Variants in B3GALT1 observed in about 807,000 individuals in gnomAD.
B3GALT1 encodes the protein UDP-Gal:betaGlcNAc beta 1,3-galactosyltransferase, polypeptide 1.
In B3GALT1, 10 loss-of-function variants were observed where a neutral mutation model predicts 23.2. The ratio of observed to expected loss-of-function variants is 0.43; its 90% CI spans 0.27 to 0.73. The LOEUF is 0.73. Ranked by LOEUF, B3GALT1 falls within the 30% of genes least tolerant of loss-of-function variation. The probability of loss-of-function intolerance (pLI) is 0.21; values close to 1 mark genes in which losing one functional copy is unlikely to be tolerated. For synonymous variants in B3GALT1, 156 were observed against 141.5 expected (o/e 1.10, Z -0.73); for missense variants, 299 against 405.4 (o/e 0.74, Z 2.25).
intron 4 of B3GALT1, among the ~76,000 whole-genome samples, chr2:167,823,880 A>G (rs998544276): frequency 1.3e-5 from 2 of 152,374 alleles, no homozygotes; most frequent in East Asian, 3.9e-4. Context: ...AGATATAACA[A>G]TTATAAAATA....
chr2:167,857,714 G>T (rs899320470), intron 4 of B3GALT1, among the ~76,000 whole-genome samples: 2 of 152,006 alleles, frequency 1.3e-5, no homozygotes, highest in Non-Finnish European at 2.9e-5. Flanking sequence ...TAGGAAAATT[G>T]TACACATAAC....
chr2:167,309,331 G>C lies in B3GALT1; in HGVS notation c.-511+15997G>C, dbSNP rs564497231. The stretch of plus-strand genomic sequence containing the variant: ...CTAAGCTAAATTAATGTACTGTAAA[G>C]TTTCAAATAAATAGCAAGAGTTGAG... On this transcript the variant is annotated intron_variant, in intron 1 of 4. Transcript: ENST00000392690. Among the ~76,000 whole-genome samples the C allele has an allele frequency of 3.3e-5, 5 of 152,058 alleles. No homozygotes were observed. The South Asian group carries it at 1.0e-3, about 32-fold the overall frequency.
At chr2:167,795,562 G>A (rs916258632) in intron 3 of B3GALT1, among the ~76,000 whole-genome samples, 40 of 152,060 alleles carry the variant, frequency 2.6e-4, no homozygotes, top group African/African-American at 8.2e-4. Flanking sequence ...GTAATATTCA[G>A]GACATTTCCT....
chr2:167,423,284 G>T (rs1221111950), intron 1 of B3GALT1, among the ~76,000 whole-genome samples: 10 of 152,116 alleles, frequency 6.6e-5, no homozygotes, highest in Admixed American at 6.6e-4. Context: ...GCCCTGAGCT[G>T]GGAGAGTAGA....
intron 1 of B3GALT1, among the ~76,000 whole-genome samples, chr2:167,436,529 A>G (rs1698789349): frequency 6.6e-6 from 1 of 152,206 alleles, no homozygotes; most frequent in Non-Finnish European, 1.5e-5. Context: ...TGAAACACTA[A>G]ATGTTAATTA....
At chr2:167,396,440 GA>G (rs559210902) in intron 1 of B3GALT1, among the ~76,000 whole-genome samples, 63 of 151,384 alleles carry the variant, frequency 4.2e-4, no homozygotes, top group African/African-American at 1.5e-3. Context: ...TTACTATTTA[GA>G]ACTCTCAAAA....
At chr2:167,639,724 A>G (rs1025858440) in intron 2 of B3GALT1, among the ~76,000 whole-genome samples, 4 of 152,086 alleles carry the variant, frequency 2.6e-5, no homozygotes, top group African/African-American at 7.2e-5. Context: ...CTTTTGGTCT[A>G]TCTGTGTGTA....
intron 2 of B3GALT1, among the ~76,000 whole-genome samples, chr2:167,501,088 T>C (rs577135029): frequency 5.3e-5 from 8 of 152,078 alleles, no homozygotes; most frequent in Non-Finnish European, 1.2e-4. Flanking sequence ...TGTATTTTAA[T>C]AAATTAAAAT....
intron 4 of B3GALT1, among the ~76,000 whole-genome samples, chr2:167,822,447 CTAAT>C (rs1347244135): frequency 1.3e-5 from 2 of 152,128 alleles, no homozygotes; most frequent in Non-Finnish European, 2.9e-5. Context: ...AGCGCACCCT[CTAAT>C]TATTTCATAT....
chr2:167,373,112 C>T (rs1429037126), intron 1 of B3GALT1, among the ~76,000 whole-genome samples: 1 of 151,798 alleles, frequency 6.6e-6, no homozygotes, highest in East Asian at 1.9e-4. Context: ...TAAGATAATT[C>T]CACTGAGAAA....
At chr2:167,672,266 A>G (rs1686344645) in intron 3 of B3GALT1, among the ~76,000 whole-genome samples, 1 of 152,144 alleles carries the variant, frequency 6.6e-6, no homozygotes, top group African/African-American at 2.4e-5. Context: ...CCTATGAACC[A>G]TGGTGCCAGC....
chr2:167,783,234 A>G (rs1181576331), intron 3 of B3GALT1, among the ~76,000 whole-genome samples: 1 of 152,210 alleles, frequency 6.6e-6, no homozygotes, highest in Non-Finnish European at 1.5e-5. Flanking sequence ...CAATAAGGCT[A>G]ATCATTGAGC....
At chr2:167,358,540 GTAA>G (rs959584678) in intron 1 of B3GALT1, among the ~76,000 whole-genome samples, 11 of 151,918 alleles carry the variant, frequency 7.2e-5, no homozygotes, top group African/African-American at 2.7e-4. Context: ...CTTTTTTTTA[GTAA>G]TAATGAACTT....
At chr2:167,680,775 AT>A (rs142099743) in intron 3 of B3GALT1, among the ~76,000 whole-genome samples, 24,471 of 151,768 alleles carry the variant, frequency 0.16, 2,260 homozygotes, top group Non-Finnish European at 0.21. Context: ...TTCGCGCAGA[AT>A]TTTTTTTTAT....
At chr2:167,800,330 T>G (rs1207092353) in intron 3 of B3GALT1, among the ~76,000 whole-genome samples, 1 of 152,114 alleles carries the variant, frequency 6.6e-6, no homozygotes, top group Non-Finnish European at 1.5e-5. Flanking sequence ...CCCAAGATTA[T>G]TTATCCCCAC....
At chr2:167,579,148 T>G (rs1458649645) in intron 2 of B3GALT1, among the ~76,000 whole-genome samples, 1 of 152,084 alleles carries the variant, frequency 6.6e-6, no homozygotes, top group Non-Finnish European at 1.5e-5. Flanking sequence ...AGACTGAATT[T>G]AGTTTGCAGC....
At chr2:167,844,603 G>C (rs1294652184) in intron 4 of B3GALT1, among the ~76,000 whole-genome samples, 1 of 152,350 alleles carries the variant, frequency 6.6e-6, no homozygotes, top group East Asian at 1.9e-4. Context: ...GGAGCTCGCT[G>C]GGTCCCCAAA....
At chr2:167,471,863 C>T (rs1699422211) in intron 1 of B3GALT1, among the ~76,000 whole-genome samples, 1 of 152,012 alleles carries the variant, frequency 6.6e-6, no homozygotes, top group South Asian at 2.1e-4. Flanking sequence ...CTAAGACAAT[C>T]AGTGGATAAT....
intron 2 of B3GALT1, among the ~76,000 whole-genome samples, chr2:167,561,824 A>C (rs58360632): frequency 9.2e-5 from 14 of 152,256 alleles, no homozygotes; most frequent in African/African-American, 2.9e-4. Context: ...ACAGCTTACC[A>C]ACCAAGAAGA....
Sources: gnomAD v4.1 joint callset for allele counts (sites outside exome capture counted in the v4.1 genomes callset) on GRCh38, gnomAD v4.1.1 for gene constraint, MANE v1.5 for transcripts, NCBI Gene and HGNC (gene_info 2026-07-23, HGNC 2026-07-21) for gene names.